Variants in BMPR1B observed in about 807,000 individuals in gnomAD.
The protein encoded by BMPR1B is bone morphogenetic protein receptor type 1B, also known as bone morphogenetic protein receptor type-1B.
BMPR1B carries 12 observed loss-of-function variants against 59.1 expected under a neutral mutation model. The observed-to-expected ratio is 0.20, with a 90% CI of 0.13 to 0.33. BMPR1B has a LOEUF of 0.33. BMPR1B is among the 10% of genes least tolerant of loss of function. BMPR1B has a pLI of 1.00. For missense variants in BMPR1B, 550 were observed against 610.9 expected (o/e 0.90, Z 1.05); for synonymous variants, 237 against 207.3 (o/e 1.14, Z -1.23).
At chr4:94,827,048 T>C (rs545934391) in intron 1 of BMPR1B, among the ~76,000 whole-genome samples, 105 of 152,312 alleles carry the variant, frequency 6.9e-4, no homozygotes, top group African/African-American at 2.4e-3. Context: ...TTTCCTAATA[T>C]GAAATATAAT....
At chr4:95,034,926 A>G (rs140099500) in intron 3 of BMPR1B, among the ~76,000 whole-genome samples, 241 of 152,162 alleles carry the variant, frequency 1.6e-3, no homozygotes, top group African/African-American at 5.4e-3. Context: ...TTTTCACCAC[A>G]TCCATGCCAA....
At chr4:94,949,094 G>A (rs1303210003) in intron 2 of BMPR1B, among the ~76,000 whole-genome samples, 1 of 152,068 alleles carries the variant, frequency 6.6e-6, no homozygotes, top group Non-Finnish European at 1.5e-5. Context: ...ATCTACATTA[G>A]GTATTTCTTC....
At chr4:94,912,029 T>G (rs1384045086) in intron 2 of BMPR1B, among the ~76,000 whole-genome samples, 3 of 152,038 alleles carry the variant, frequency 2.0e-5, no homozygotes, top group African/African-American at 7.2e-5. Context: ...ACAATCATGG[T>G]GGAAGGCAAT....
chr4:94,760,194 G>A (rs1405907556), intron 1 of BMPR1B, among the ~76,000 whole-genome samples: 2 of 152,060 alleles, frequency 1.3e-5, no homozygotes, highest in African/African-American at 4.8e-5. Context: ...ACTATTTATA[G>A]GGGCTTTGCC....
intron 1 of BMPR1B, among the ~76,000 whole-genome samples, chr4:94,812,953 T>A (rs901321624): frequency 1.3e-5 from 2 of 151,956 alleles, no homozygotes; most frequent in African/African-American, 4.8e-5. Flanking sequence ...AGACAATTTT[T>A]ATTTTCTTAT....
intron 10 of BMPR1B, among the ~76,000 whole-genome samples, chr4:95,143,304 G>T (rs1224493808): frequency 6.6e-6 from 1 of 152,228 alleles, no homozygotes; most frequent in Non-Finnish European, 1.5e-5. Flanking sequence ...ACCATGTGCT[G>T]CAATTCTAAA....
intron 2 of BMPR1B, among the ~76,000 whole-genome samples, chr4:94,989,561 A>G (rs930574961): frequency 1.3e-5 from 2 of 152,294 alleles, no homozygotes; most frequent in Non-Finnish European, 2.9e-5. Context: ...GTACCAATAT[A>G]GGTATTTATC....
chr4:94,996,050 C>A lies in BMPR1B; in HGVS notation c.-102C>A, dbSNP rs1722033311. On this transcript the variant is annotated 5_prime_UTR_variant, in exon 3 of 13. In the 5' UTR this introduces an upstream ATG that the reference lacks. Transcript: ENST00000515059. ...CTTTCTAACTGTCAGGTTCAGACTT[C>A]TGCTGATTCATAACCATTTGGCTCT... 1 of 152,156 alleles carries A rather than the reference C, an allele frequency of 6.6e-6. No homozygotes were observed. 9.4% of individuals were successfully genotyped at this position (152,156 alleles called of 1,614,324 possible).
At chr4:94,842,297 AG>A (rs1229352978) in intron 1 of BMPR1B, among the ~76,000 whole-genome samples, 2 of 152,172 alleles carry the variant, frequency 1.3e-5, no homozygotes, top group African/African-American at 4.8e-5. Flanking sequence ...GATAAGTTTA[AG>A]CAAGTCTTAA....
chr4:95,097,149 A>C (rs1041411158), intron 3 of BMPR1B, among the ~76,000 whole-genome samples: 1 of 148,146 alleles, frequency 6.8e-6, no homozygotes, highest in East Asian at 2.0e-4. Context: ...ACTAATATAT[A>C]TGTAACTATA....
chr4:94,854,932 A>G (rs1578724231), intron 1 of BMPR1B, among the ~76,000 whole-genome samples: 1 of 152,298 alleles, frequency 6.6e-6, no homozygotes, highest in African/African-American at 2.4e-5. Flanking sequence ...AGTCTATTCA[A>G]TTATCATCTC....
chr4:94,860,628 TAAAC>T (rs1210609387), intron 1 of BMPR1B, among the ~76,000 whole-genome samples: 1 of 152,198 alleles, frequency 6.6e-6, no homozygotes, highest in Admixed American at 6.5e-5. Context: ...TTATAAATAT[TAAAC>T]TTTTATTTTT....
At chr4:95,130,163 G>C in intron 9 of BMPR1B, 109 bp downstream of exon 9, 1 of 1,342,660 alleles carries the variant, frequency 7.4e-7, no homozygotes, top group Non-Finnish European at 1.0e-6. Context: ...GAAATGTATT[G>C]AAGTTTTCTT....
rs73838625 is a variant in BMPR1B, at chr4:94,936,256, G to C, written c.-112-59784G>C. Among the ~76,000 whole-genome samples, 1,270 of 152,238 alleles carry C rather than the reference G, an allele frequency of 8.3e-3. 25 individuals carry two copies. The highest frequency in any genetic ancestry group is 0.028 in the African/African-American group (1,170 of 41,548). The stretch of plus-strand genomic sequence containing the variant: ...ATCATAAAATGATTTTTTATGCCAA[G>C]TTATACAGAGGCAGTTTGCCATATG... On this transcript the variant is annotated intron_variant, in intron 2 of 12. Transcript: ENST00000515059.
chr4:94,826,796 A>G (rs896470186), intron 1 of BMPR1B, among the ~76,000 whole-genome samples: 44 of 152,190 alleles, frequency 2.9e-4, no homozygotes, highest in African/African-American at 8.7e-4. Flanking sequence ...ACTGAAATCA[A>G]TAGTTTTATA....
At chr4:94,774,565 A>G (rs1228292813) in intron 1 of BMPR1B, among the ~76,000 whole-genome samples, 1 of 152,108 alleles carries the variant, frequency 6.6e-6, no homozygotes, top group African/African-American at 2.4e-5. Context: ...AAGTTTATTT[A>G]TGAATTTTTT....
chr4:94,852,446 A>G (rs1725603818), intron 1 of BMPR1B, among the ~76,000 whole-genome samples: 1 of 152,160 alleles, frequency 6.6e-6, no homozygotes, highest in African/African-American at 2.4e-5. Flanking sequence ...ATCTAAATTG[A>G]TAAGCTATAT....
At chr4:94,787,453 A>G (rs571877161) in intron 1 of BMPR1B, among the ~76,000 whole-genome samples, 1 of 152,196 alleles carries the variant, frequency 6.6e-6, no homozygotes, top group Non-Finnish European at 1.5e-5. Flanking sequence ...ATCCAGAGGA[A>G]AGAAGTATTC....
chr4:94,797,760 A>C (rs868290431), intron 1 of BMPR1B, among the ~76,000 whole-genome samples: 13 of 152,180 alleles, frequency 8.5e-5, no homozygotes, highest in African/African-American at 3.1e-4. Context: ...GGAGCCCATG[A>C]ATTTGTATTT....
Sources: allele counts gnomAD v4.1 joint callset (sites outside exome capture counted in the v4.1 genomes callset), GRCh38; gene constraint gnomAD v4.1.1; transcripts MANE v1.5; gene names NCBI Gene and HGNC (gene_info 2026-07-23, HGNC 2026-07-21).